CTIF: variants seen among roughly 807,000 people sequenced by gnomAD.
CTIF encodes the protein cap binding complex dependent translation initiation factor, also known as CBP80/20-dependent translation initiation factor.
A neutral mutation model predicts 66.0 loss-of-function variants in CTIF; 21 were observed. The observed-to-expected ratio is 0.32, with a 90% CI of 0.23 to 0.46. The LOEUF is 0.46. CTIF is among the 20% of genes least tolerant of loss of function. The probability of loss-of-function intolerance (pLI) is 1.00; values close to 1 mark genes in which losing one functional copy is unlikely to be tolerated. For synonymous variants in CTIF, 345 were observed against 326.4 expected (o/e 1.06, Z -0.62); for missense variants, 739 against 812.7 (o/e 0.91, Z 1.10).
intron 1 of CTIF, among the ~76,000 whole-genome samples, chr18:48,602,054 G>A (rs377503089): frequency 6.6e-6 from 1 of 152,234 alleles, no homozygotes; most frequent in African/African-American, 2.4e-5. Flanking sequence ...CACCCTTGCT[G>A]TTGCCAGATG....
chr18:48,569,519 C>T lies in CTIF; in HGVS notation c.-29+30207C>T, dbSNP rs144849537. 1.1e-3 allele frequency among the ~76,000 whole-genome samples: 174 copies of T among 152,114 alleles called. 1 individual carries two copies. The highest frequency in any genetic ancestry group is 4.1e-3 in the African/African-American group (170 of 41,482). ...GTTTCAAAAAATTTCTATTAACTTG[C>T]TTTATAAAAAGATTTCATAACAGGG... On this transcript the variant is annotated intron_variant, in intron 1 of 11. Transcript: ENST00000256413.
chr18:48,738,972 C>T (rs2092529492), intron 7 of CTIF, among the ~76,000 whole-genome samples: 1 of 152,198 alleles, frequency 6.6e-6, no homozygotes, highest in African/African-American at 2.4e-5. Flanking sequence ...TCCTGCAGTT[C>T]CCCTCCTGAG....
chr18:48,545,909 A>G (rs1017494140), intron 1 of CTIF, among the ~76,000 whole-genome samples: 4 of 152,108 alleles, frequency 2.6e-5, no homozygotes, highest in Admixed American at 1.3e-4. Flanking sequence ...CCAGGCGGGG[A>G]TGCTGTGTCA....
At chr18:48,723,590 T>C (rs940499017) in intron 7 of CTIF, among the ~76,000 whole-genome samples, 3 of 152,118 alleles carry the variant, frequency 2.0e-5, no homozygotes, top group Admixed American at 1.3e-4. Flanking sequence ...GGTGGGCAGC[T>C]CAGGGGGTGG....
At chr18:48,832,442 G>A (rs1413008345) in intron 10 of CTIF, among the ~76,000 whole-genome samples, 1 of 152,122 alleles carries the variant, frequency 6.6e-6, no homozygotes, top group Non-Finnish European at 1.5e-5. Context: ...GTGCTAAAGA[G>A]GGGGAAAAGG....
intron 1 of CTIF, among the ~76,000 whole-genome samples, chr18:48,578,636 C>A (rs1414142581): frequency 6.6e-6 from 1 of 152,094 alleles, no homozygotes; most frequent in East Asian, 1.9e-4. Context: ...GATGTTTATC[C>A]AAGTGTATAT....
chr18:48,834,141 G>A (rs915939122), intron 10 of CTIF, among the ~76,000 whole-genome samples: 5 of 152,176 alleles, frequency 3.3e-5, no homozygotes, highest in African/African-American at 9.6e-5. Context: ...GGCTCTGCAG[G>A]CCAAGAGGCA....
chr18:48,615,423 G>A (rs1245406095), intron 1 of CTIF, among the ~76,000 whole-genome samples: 1 of 152,158 alleles, frequency 6.6e-6, no homozygotes, highest in Non-Finnish European at 1.5e-5. Context: ...TCCCTCTCTG[G>A]GCCCCGCTGC....
At chr18:48,838,136 C>G (rs1401401367) in intron 10 of CTIF, among the ~76,000 whole-genome samples, 1 of 152,158 alleles carries the variant, frequency 6.6e-6, no homozygotes, top group Non-Finnish European at 1.5e-5. Context: ...AGAGTTCTCA[C>G]TTCTCCAAGT....
intron 1 of CTIF, among the ~76,000 whole-genome samples, chr18:48,545,605 G>A (rs1014419707): frequency 6.7e-6 from 1 of 150,308 alleles, no homozygotes; most frequent in African/African-American, 2.4e-5. Context: ...CGAACTTCTG[G>A]TTGCTGGAGC....
intron 1 of CTIF, among the ~76,000 whole-genome samples, chr18:48,610,144 C>T (rs16949636): frequency 0.052 from 7,953 of 152,146 alleles, 272 homozygotes; most frequent in South Asian, 0.13. Context: ...TCAAGGATTA[C>T]GCAGTCTTAT....
In CTIF at chr18:48,726,300, G is replaced by T. The variant is rs1011783537; in HGVS notation, c.584+14605G>T. Among the ~76,000 whole-genome samples, 60 of 152,144 alleles carry T rather than the reference G, an allele frequency of 3.9e-4. 1 individual carries two copies. Among genetic ancestry groups the T allele is most frequent in the Admixed American group, 3.7e-3 (57 of 15,276 alleles). On this transcript the variant is annotated intron_variant, in intron 7 of 11. Coordinates refer to ENST00000256413, the MANE Select transcript of CTIF (RefSeq NM_014772.3). ...GCTTGGCTTGGACGTTTGTATTGGG[G>T]TTATCTATTGCTGTGTAACAAATTT...
intron 10 of CTIF, among the ~76,000 whole-genome samples, chr18:48,853,092 G>C (rs1179506042): frequency 6.6e-6 from 1 of 152,148 alleles, no homozygotes; most frequent in Non-Finnish European, 1.5e-5. Context: ...AGCTGGGCGA[G>C]TTTTCTCCCT....
chr18:48,634,104 A>G (rs1010963388), intron 2 of CTIF, among the ~76,000 whole-genome samples: 8 of 152,054 alleles, frequency 5.3e-5, no homozygotes, highest in Middle Eastern at 3.2e-3. Context: ...TACAACCTTG[A>G]CACTTTTGAA....
intron 3 of CTIF, among the ~76,000 whole-genome samples, chr18:48,649,207 G>A (rs564263109): frequency 1.3e-5 from 2 of 152,254 alleles, no homozygotes; most frequent in South Asian, 4.2e-4. Flanking sequence ...CTAGCTAAGG[G>A]AAGCCATGAC....
chr18:48,602,874 GATGGATGGATGGATAAGA>G (rs1403120521), intron 1 of CTIF, among the ~76,000 whole-genome samples: 1 of 150,922 alleles, frequency 6.6e-6, no homozygotes, highest in Admixed American at 6.6e-5. Flanking sequence ...TGGATGGATG[GATGGATGGATGGATAAGA>G]ATGGGTGGAT....
intron 8 of CTIF, among the ~76,000 whole-genome samples, chr18:48,759,003 T>C (rs1255889397): frequency 1.3e-5 from 2 of 152,138 alleles, no homozygotes; most frequent in Non-Finnish European, 2.9e-5. Flanking sequence ...GGTGCCTACC[T>C]GTGCCAGCAT....
rs1270288884 is a variant in CTIF, at chr18:48,806,090, G to T, written c.1372-11131G>T. Among the ~76,000 whole-genome samples the T allele has an allele frequency of 2.6e-5, 4 of 152,330 alleles. No homozygotes were observed. In the East Asian group the frequency reaches 5.8e-4, roughly 22 times the overall value. On this transcript the variant is annotated intron_variant, in intron 9 of 11. Transcript: ENST00000256413. ...AGAGTCGGAATGAGGAGTCCCGGGG[G>T]CTGTGGTGGAGGGGACAGCCAGGGA... is the stretch of plus-strand genomic sequence containing the variant.
intron 5 of CTIF, among the ~76,000 whole-genome samples, chr18:48,670,266 A>G (rs922750285): frequency 4.6e-5 from 7 of 152,062 alleles, no homozygotes; most frequent in African/African-American, 1.7e-4. Context: ...AGGAAGCCCT[A>G]TTGGGTTTTC....
Sources: gnomAD v4.1 joint callset for allele counts (sites outside exome capture counted in the v4.1 genomes callset) on GRCh38, gnomAD v4.1.1 for gene constraint, MANE v1.5 for transcripts, NCBI Gene and HGNC (gene_info 2026-07-23, HGNC 2026-07-21) for gene names.